USP42: variants seen among roughly 807,000 people sequenced by gnomAD.
The protein encoded by USP42 is ubiquitin specific peptidase 42, also known as ubiquitin carboxyl-terminal hydrolase 42.
USP42 carries 23 observed loss-of-function variants against 113.0 expected under a neutral mutation model. The observed-to-expected ratio is 0.20, with a 90% CI of 0.15 to 0.29. USP42 has a LOEUF of 0.29. Among genes scored for constraint, USP42 ranks in the 10% least tolerant of loss-of-function variants. The pLI is 1.00. For missense variants in USP42, 2,174 were observed against 1,779.8 expected, an observed-to-expected ratio of 1.22 and a Z score of -3.99; for synonymous variants, 933 against 699.0, an observed-to-expected ratio of 1.33 and a Z score of -5.28.
Position 6,154,813 on chromosome 7 carries a change from G to A in USP42, c.3259G>A (p.Gly1087Arg). Residue 1087 changes from glycine (G) to arginine (R), a missense_variant, in exon 15 of 18, where the codon GGG becomes AGG. Gly to Arg is a moderately radical substitution (Grantham distance 125). Coordinates refer to ENST00000306177, the MANE Select transcript of USP42 (RefSeq NM_032172.3). ...FHGGREHERA[G>R]LHERPHKDHN... ...CGGCGGCCGCGAGCACGAGCGGGCC[G>A]GGCTGCACGAGCGGCCGCACAAGGA... 6 of 1,544,022 alleles carry A rather than the reference G, an allele frequency of 3.9e-6. No individual in the cohort carries two copies. The highest frequency in any genetic ancestry group is 4.4e-6 in the Non-Finnish European group (5 of 1,143,576).
chr7:6,088,256 CT>C, the USP42 span, among the ~76,000 whole-genome samples: 11 of 148,768 alleles, frequency 7.4e-5, no homozygotes, highest in South Asian at 2.1e-4. Flanking sequence ...ACTCACATTA[CT>C]TTTTTTTTTC....
intron 3 of USP42, among the ~76,000 whole-genome samples, chr7:6,115,882 C>T (rs188685969): frequency 1.2e-4 from 19 of 152,076 alleles, no homozygotes; most frequent in Admixed American, 4.6e-4. Flanking sequence ...AAGGATCACT[C>T]GAGCCCAAGA....
At chr7:6,127,235 C>T (rs965875136) in intron 3 of USP42, among the ~76,000 whole-genome samples, 5 of 152,172 alleles carry the variant, frequency 3.3e-5, no homozygotes, top group African/African-American at 1.2e-4. Flanking sequence ...TTCTCCCCAT[C>T]TGTAGCATGT....
At position 6,160,989 on chromosome 7, in the gene USP42, T is replaced by C. The variant is rs540137631; in HGVS notation, c.*471T>C. On this transcript the variant is annotated 3_prime_UTR_variant, in exon 18 of 18. Coordinates refer to ENST00000306177, the MANE Select transcript of USP42 (RefSeq NM_032172.3). ...AACTCACAAGCTCTCACCTAGACTTTGGAGAGCAGTCTGTTTTCTGTAATG... is the reference window on the plus strand; with the variant it reads ...AACTCACAAGCTCTCACCTAGACTTCGGAGAGCAGTCTGTTTTCTGTAATG... The C allele has an allele frequency of 1.1e-4, 17 of 152,808 alleles. No individual in the cohort carries two copies. The East Asian group carries it at 3.3e-3, about 29-fold the overall frequency. 9.5% of individuals were successfully genotyped at this position (152,808 alleles called of 1,614,324 possible).
chr7:6,104,073 TTTC>T, upstream of USP42, among the ~76,000 whole-genome samples: 1 of 151,164 alleles, frequency 6.6e-6, no homozygotes, highest in South Asian at 2.1e-4. Context: ...ACAGACCCTG[TTTC>T]TTTTCTTTTC....
chr7:6,141,361 T>C (rs1781423002), intron 7 of USP42, among the ~76,000 whole-genome samples: 1 of 151,834 alleles, frequency 6.6e-6, no homozygotes, highest in African/African-American at 2.4e-5. Context: ...TGTGCCACCA[T>C]GCCCAGCTAA....
chr7:6,117,298 A>T (rs560813268), intron 3 of USP42, among the ~76,000 whole-genome samples: 60 of 152,278 alleles, frequency 3.9e-4, no homozygotes, highest in Non-Finnish European at 7.2e-4. Context: ...GGAATTGTAC[A>T]GTATATATTC....
At chr7:6,156,645 G>A in intron 15 of USP42, 109 bp from the exon 16 acceptor site, 1 of 1,430,608 alleles carries the variant, frequency 7.0e-7, no homozygotes, top group Non-Finnish European at 9.2e-7. Flanking sequence ...AATTGTGCGT[G>A]TCTGCACAGT....
the USP42 span, among the ~76,000 whole-genome samples, chr7:6,086,288 C>G: frequency 6.8e-6 from 1 of 148,038 alleles, no homozygotes; most frequent in Non-Finnish European, 1.5e-5. Flanking sequence ...TCACTGCAAG[C>G]TCTGCCTCCT....
intron 11 of USP42, 58 bp from the exon 12 acceptor site, chr7:6,147,681 G>C: frequency 6.7e-7 from 1 of 1,487,772 alleles, no homozygotes; most frequent in East Asian, 2.4e-5. Context: ...CTTTGTAAAT[G>C]AATCTCTCCT....
upstream of USP42, among the ~76,000 whole-genome samples, chr7:6,103,348 C>T (rs1228666239): frequency 4.0e-5 from 6 of 150,554 alleles, no homozygotes; most frequent in Non-Finnish European, 8.8e-5. Flanking sequence ...ACCAGCCTGA[C>T]CAACATGGTG....
intron 1 of USP42, among the ~76,000 whole-genome samples, chr7:6,108,015 C>T (rs565936360): frequency 1.3e-5 from 2 of 152,112 alleles, no homozygotes; most frequent in South Asian, 2.1e-4. Flanking sequence ...TGAAACCCGG[C>T]TCCACTAAAA....
In USP42 at chr7:6,154,796, G is replaced by GCGAGCA; in HGVS notation, c.3248_3253dup (p.His1083_Glu1084dup). 1 of 1,546,908 alleles carries GCGAGCA rather than the reference G, an allele frequency of 6.5e-7. No homozygotes were observed. The highest frequency in any genetic ancestry group is 2.5e-5 in the East Asian group (1 of 40,676). ...GACTGGAAGCCCTTCCACGGCGGCC[G>GCGAGCA]CGAGCACGAGCGGGCCGGGCTGCAC... On this transcript the variant is annotated inframe_insertion, in exon 15 of 18. Transcript: ENST00000306177.
rs947413997 is a variant in USP42, at chr7:6,160,842, A to T, written c.*324A>T. 1 of 152,664 alleles carries T rather than the reference A, an allele frequency of 6.6e-6. No homozygotes were observed. Among genetic ancestry groups the T allele is most frequent in the African/African-American group, 2.4e-5 (1 of 41,452 alleles). The allele number at this position is 152,664 out of a possible 1,614,324, so 9.5% of individuals were successfully genotyped here. On this transcript the variant is annotated 3_prime_UTR_variant, in exon 18 of 18. Coordinates refer to ENST00000306177, the MANE Select transcript of USP42 (RefSeq NM_032172.3). Reference sequence around the variant, plus strand: ...GCTTAATTACAGACTCAGGTCGATTACTTGTATTTCATGTAATGTTCCTCC... The same window carrying T: ...GCTTAATTACAGACTCAGGTCGATTTCTTGTATTTCATGTAATGTTCCTCC...
At chr7:6,120,126 G>C (rs537023132) in intron 3 of USP42, among the ~76,000 whole-genome samples, 76 of 152,236 alleles carry the variant, frequency 5.0e-4, no homozygotes, top group African/African-American at 1.7e-3. Context: ...CACCACGCCG[G>C]CTAATTTTTT....
chr7:6,147,537 G>T (rs369197347), intron 11 of USP42, among the ~76,000 whole-genome samples: 69 of 152,368 alleles, frequency 4.5e-4, no homozygotes, highest in African/African-American at 1.5e-3. Flanking sequence ...CATTTACCCA[G>T]TTATCCTTGT....
At position 6,147,703 on chromosome 7, in the gene USP42, C is replaced by T. The variant is rs922418109; in HGVS notation, c.1233-36C>T. 7 of 1,538,432 alleles carry T rather than the reference C, an allele frequency of 4.6e-6. No homozygotes were observed. In the African/African-American group the frequency reaches 9.6e-5, roughly 21 times the overall value. ...AATGAATCTCTCCTAAGGAGGTGTCCTGTGTCACCCTAAGTATCGCTCTCC... is the reference window on the plus strand; with the variant it reads ...AATGAATCTCTCCTAAGGAGGTGTCTTGTGTCACCCTAAGTATCGCTCTCC... On this transcript the variant is annotated intron_variant, in intron 11 of 17. Transcript: ENST00000306177.
the USP42 span, among the ~76,000 whole-genome samples, chr7:6,090,736 T>A: frequency 1.9e-3 from 280 of 145,312 alleles, 3 homozygotes; most frequent in Non-Finnish European, 3.7e-3. Flanking sequence ...AAAACAAAAC[T>A]AACTATATAT....
At chr7:6,082,909 G>A in the USP42 span, among the ~76,000 whole-genome samples, 1 of 144,886 alleles carries the variant, frequency 6.9e-6, no homozygotes, top group Admixed American at 6.8e-5. Flanking sequence ...CTGCGCCTGT[G>A]TCTCTATTAA....
Sources: allele counts gnomAD v4.1 joint callset (sites outside exome capture counted in the v4.1 genomes callset), GRCh38; gene constraint gnomAD v4.1.1; transcripts MANE v1.5; gene names NCBI Gene and HGNC (gene_info 2026-07-23, HGNC 2026-07-21).